INSL6: variants seen among roughly 807,000 people sequenced by gnomAD.
INSL6 encodes insulin-like peptide INSL6.
A neutral mutation model predicts 9.4 loss-of-function variants in INSL6; 16 were observed. The observed-to-expected ratio is 1.70, with a 90% CI of 1.15 to 2.59. INSL6 has a LOEUF of 2.59. INSL6 is among the 30% of genes most tolerant of loss of function. The pLI, the probability that INSL6 is intolerant of heterozygous loss-of-function variation, is 0.00. For missense variants in INSL6, 391 were observed against 257.3 expected (o/e 1.52, Z -3.56); for synonymous variants, 154 against 96.9 (o/e 1.59, Z -3.46).
chr9:5,066,774 G>A, the INSL6 span: 2 of 1,547,694 alleles, frequency 1.3e-6, no homozygotes, highest in Non-Finnish European at 1.7e-6. Flanking sequence ...AATATTTTTT[G>A]ACTTTTGCTG....
At chr9:5,137,673 G>T (rs1361867964) in intron 2 of INSL6, among the ~76,000 whole-genome samples, 1 of 152,106 alleles carries the variant, frequency 6.6e-6, no homozygotes, top group African/African-American at 2.4e-5. Context: ...CAGCACTTAG[G>T]CATGGCAAAG....
intron 1 of INSL6, 90 bp from the exon 2 acceptor site, chr9:5,164,355 TTAAAAAACAAG>T: frequency 1.3e-6 from 1 of 798,680 alleles, no homozygotes; most frequent in South Asian, 1.7e-5. Flanking sequence ...CAGCTAATTA[TTAAAAAACAAG>T]TAATCACATT....
At chr9:5,107,536 A>C in the INSL6 span, among the ~76,000 whole-genome samples, 8 of 152,162 alleles carry the variant, frequency 5.3e-5, no homozygotes, top group African/African-American at 1.9e-4. Flanking sequence ...CTTAATTTAC[A>C]AAAGAACTCA....
At chr9:5,066,694 A>G in the INSL6 span, 1 of 1,601,680 alleles carries the variant, frequency 6.2e-7, no homozygotes, top group Non-Finnish European at 8.6e-7. Context: ...TTTTGCCATT[A>G]GTAAACTGAA....
the INSL6 span, among the ~76,000 whole-genome samples, chr9:5,004,841 G>A: frequency 3.3e-5 from 5 of 151,326 alleles, no homozygotes; most frequent in African/African-American, 1.2e-4. Context: ...CATGAGGTGA[G>A]ATCTCACTAT....
chr9:5,055,489 A>G, the INSL6 span, among the ~76,000 whole-genome samples: 1,690 of 152,158 alleles, frequency 0.011, 17 homozygotes, highest in African/African-American at 0.03. Flanking sequence ...TAAGTCAAGC[A>G]AGATACAGCA....
chr9:5,146,304 G>A (rs912656852), intron 2 of INSL6, among the ~76,000 whole-genome samples: 6 of 152,130 alleles, frequency 3.9e-5, no homozygotes, highest in African/African-American at 1.4e-4. Flanking sequence ...TCAATGTTTG[G>A]AGTCTACTGT....
At position 5,185,543 on chromosome 9, in the gene INSL6, A is replaced by G. The variant is rs752153602; in HGVS notation, c.60T>C (p.Ser20=). The G allele has an allele frequency of 1.9e-6, 3 of 1,614,132 alleles. No individual in the cohort carries two copies. Among genetic ancestry groups the G allele is most frequent in the Non-Finnish European group, 2.5e-6 (3 of 1,180,016 alleles). The change falls in exon 1 of 2, where the codon TCT becomes TCC. Residue 20 remains serine (S), a synonymous_variant. Coordinates refer to ENST00000381641, the MANE Select transcript of INSL6 (RefSeq NM_007179.3). ...CACTGCTGATGTCGCTCAGTTCACG[A>G]GAAAACCGAACCAGCAGGAGTCCAA... ...LWLGLLLVRF[S]RELSDISSAR...
At chr9:5,009,877 C>G in the INSL6 span, among the ~76,000 whole-genome samples, 1 of 151,938 alleles carries the variant, frequency 6.6e-6, no homozygotes, top group African/African-American at 2.4e-5. Context: ...CTTAAGCCGT[C>G]CTCCCATTTC....
the INSL6 span, chr9:5,085,359 A>G: frequency 6.7e-6 from 6 of 901,972 alleles, no homozygotes; most frequent in South Asian, 5.2e-5. Context: ...TTCCGTACTG[A>G]TAGGTGATCT....
the INSL6 span, among the ~76,000 whole-genome samples, chr9:5,065,652 T>C: frequency 7.2e-5 from 11 of 152,348 alleles, no homozygotes; most frequent in South Asian, 1.4e-3. Flanking sequence ...AACTATCACA[T>C]TGGCTCACAC....
chr9:5,153,328 C>T (rs1343556850), intron 2 of INSL6, among the ~76,000 whole-genome samples: 1 of 152,116 alleles, frequency 6.6e-6, no homozygotes. Flanking sequence ...GTCTAAGCCC[C>T]ACTTGGGACA....
the INSL6 span, among the ~76,000 whole-genome samples, chr9:5,059,688 TC>T: frequency 6.6e-6 from 1 of 152,222 alleles, no homozygotes; most frequent in South Asian, 2.1e-4. Flanking sequence ...ATTACAGTTG[TC>T]TCATATCCCC....
intron 1 of INSL6, among the ~76,000 whole-genome samples, chr9:5,182,854 G>A (rs1825489557): frequency 6.6e-6 from 1 of 152,122 alleles, no homozygotes. Flanking sequence ...GGTAGGTCTT[G>A]GAGATACTGC....
intron 1 of INSL6, among the ~76,000 whole-genome samples, chr9:5,168,400 A>T (rs961348095): frequency 2.0e-5 from 3 of 152,234 alleles, no homozygotes; most frequent in African/African-American, 7.2e-5. Flanking sequence ...ATGGAGCTGA[A>T]AAACACAACA....
At chr9:5,037,122 G>A in the INSL6 span, among the ~76,000 whole-genome samples, 1 of 152,156 alleles carries the variant, frequency 6.6e-6, no homozygotes, top group African/African-American at 2.4e-5. Flanking sequence ...ATCACCACTG[G>A]CCATCAGAGA....
At chr9:5,013,252 A>C in the INSL6 span, among the ~76,000 whole-genome samples, 1 of 152,216 alleles carries the variant, frequency 6.6e-6, no homozygotes, top group African/African-American at 2.4e-5. Context: ...TTTAGAGTAC[A>C]ATACAAAATT....
the INSL6 span, among the ~76,000 whole-genome samples, chr9:5,079,530 A>C: frequency 2.0e-5 from 3 of 151,696 alleles, no homozygotes; most frequent in African/African-American, 7.3e-5. Flanking sequence ...GGGAATTGCC[A>C]TGGCTATTAA....
the INSL6 span, chr9:5,078,589 TGTTA>T: frequency 3.0e-6 from 2 of 672,102 alleles, no homozygotes; most frequent in Non-Finnish European, 4.9e-6. Context: ...CAATTTAAAT[TGTTA>T]GTTAAATCTT....
Sources: gnomAD v4.1 joint callset for allele counts (sites outside exome capture counted in the v4.1 genomes callset) on GRCh38, gnomAD v4.1.1 for gene constraint, MANE v1.5 for transcripts, NCBI Gene and HGNC (gene_info 2026-07-23, HGNC 2026-07-21) for gene names.